The following CORIN variants were observed in gnomAD, a reference collection of about 807,000 sequenced individuals.
The protein encoded by CORIN is corin, serine peptidase.
A neutral mutation model predicts 125.3 loss-of-function variants in CORIN; 117 were observed. That is an observed-to-expected ratio of 0.93 (90% CI 0.80 to 1.09). The LOEUF (loss-of-function observed/expected upper bound fraction) is 1.09, where lower values mean the gene tolerates loss of function less well. CORIN is among the 50% of genes least tolerant of loss of function. The pLI, the probability that CORIN is intolerant of heterozygous loss-of-function variation, is 0.00. For missense variants in CORIN, 1,253 were observed against 1,306.7 expected, an observed-to-expected ratio of 0.96 and a Z score of 0.63; for synonymous variants, 450 against 466.4, an observed-to-expected ratio of 0.96 and a Z score of 0.45.
chr4:47,698,727 A>G (rs1726150777), intron 5 of CORIN, among the ~76,000 whole-genome samples: 1 of 152,156 alleles, frequency 6.6e-6, no homozygotes, highest in African/African-American at 2.4e-5. Context: ...AGGTACTGAG[A>G]CATGAGTGGA....
chr4:47,692,998 A>T lies in CORIN; in HGVS notation c.885T>A (p.Cys295Ter). The T allele has an allele frequency of 6.2e-7, 1 of 1,613,896 alleles. No individual in the cohort carries two copies. The highest frequency in any genetic ancestry group is 8.5e-7 in the Non-Finnish European group (1 of 1,179,812). Residue 295 changes from cysteine to a stop codon, truncating the protein, a stop_gained, in exon 6 of 22, where the codon TGT becomes TGA. Transcript: ENST00000273857. LOFTEE classifies it high-confidence loss of function. Reference sequence around the variant, plus strand: ...AATGAGCCTCGTCACTCCAGTCGTCACAGTCGTTGTAGCCATTACATTGCA... The same window carrying T: ...AATGAGCCTCGTCACTCCAGTCGTCTCAGTCGTTGTAGCCATTACATTGCA... ...GKLQCNGYND[C>*]DDWSDEAHCN...
intron 11 of CORIN, among the ~76,000 whole-genome samples, chr4:47,664,679 A>G (rs942298247): frequency 2.0e-4 from 30 of 152,190 alleles, no homozygotes; most frequent in Non-Finnish European, 4.4e-5. Flanking sequence ...TTGTAAACAC[A>G]TCAGTGTTGC....
chr4:47,654,763 G>C (rs571272702), intron 12 of CORIN, among the ~76,000 whole-genome samples: 1 of 152,180 alleles, frequency 6.6e-6, no homozygotes, highest in South Asian at 2.1e-4. Context: ...GCAATTCTTG[G>C]GCAAGTCCTG....
intron 3 of CORIN, among the ~76,000 whole-genome samples, chr4:47,770,733 A>T (rs1273538323): frequency 6.6e-6 from 1 of 152,174 alleles, no homozygotes; most frequent in East Asian, 1.9e-4. Context: ...GACAAGATGG[A>T]TGAACCTAGA....
chr4:47,739,030 AG>A (rs767023163), intron 5 of CORIN, among the ~76,000 whole-genome samples: 13 of 151,904 alleles, frequency 8.6e-5, no homozygotes, highest in Non-Finnish European at 1.6e-4. Context: ...AGGAACAGAA[AG>A]AAAAAAAAGA....
chr4:47,681,426 C>T (rs542409386), intron 7 of CORIN: 2 of 152,216 alleles, frequency 1.3e-5, no homozygotes, highest in Non-Finnish European at 2.9e-5. Flanking sequence ...AGCCTGCTAT[C>T]TTCAGAGGAA....
intron 5 of CORIN, among the ~76,000 whole-genome samples, chr4:47,740,767 AAAAAAT>A (rs1192957986): frequency 1.3e-5 from 2 of 151,996 alleles, no homozygotes; most frequent in Non-Finnish European, 2.9e-5. Context: ...ATAGATCAAT[AAAAAAT>A]AATTGAAAGT....
intron 16 of CORIN, among the ~76,000 whole-genome samples, chr4:47,637,823 T>A (rs537739650): frequency 8.1e-4 from 124 of 152,312 alleles, no homozygotes; most frequent in African/African-American, 2.8e-3. Flanking sequence ...AAAGAATCCC[T>A]ACTAGGGCAT....
At chr4:47,694,459 T>TTGTGTGTG (rs147979858) in intron 5 of CORIN, among the ~76,000 whole-genome samples, 34 of 151,376 alleles carry the variant, frequency 2.2e-4, no homozygotes, top group African/African-American at 4.8e-4. Flanking sequence ...CCACCAAAGC[T>TTGTGTGTG]TGTGTGTGTG....
At chr4:47,748,078 C>T (rs540804155) in intron 4 of CORIN, among the ~76,000 whole-genome samples, 1 of 152,254 alleles carries the variant, frequency 6.6e-6, no homozygotes, top group African/African-American at 2.4e-5. Flanking sequence ...AGAGGTGTAA[C>T]CAACTGAGAC....
chr4:47,769,305 G>T (rs1423931402), intron 3 of CORIN, among the ~76,000 whole-genome samples: 1 of 151,700 alleles, frequency 6.6e-6, no homozygotes, highest in African/African-American at 2.4e-5. Flanking sequence ...AAAATACTTA[G>T]GAATAAATTT....
At chr4:47,834,092 C>T (rs1438871157) in intron 1 of CORIN, among the ~76,000 whole-genome samples, 1 of 152,036 alleles carries the variant, frequency 6.6e-6, no homozygotes, top group East Asian at 1.9e-4. Flanking sequence ...GATATGTAAC[C>T]AAAGAATTTA....
rs1206820586 is a variant in CORIN, at chr4:47,669,572, CT to C, written c.1358-4310del. ...GCTCTTCTATATATATATATATATGCTTTTTTTTTTTTTTGTGACAGAGTCT... is the reference window on the plus strand; with the variant it reads ...GCTCTTCTATATATATATATATATGCTTTTTTTTTTTTTGTGACAGAGTCT... On this transcript the variant is annotated intron_variant, in intron 10 of 21. Coordinates refer to ENST00000273857, the MANE Select transcript of CORIN (RefSeq NM_006587.4). 3.0e-3 allele frequency among the ~76,000 whole-genome samples: 404 copies of C among 135,426 alleles called. 1 individual carries two copies. The highest frequency in any genetic ancestry group is 4.7e-3 in the African/African-American group (170 of 35,834). 88.8% of individuals were successfully genotyped at this position (135,426 alleles called of 152,430 possible).
At chr4:47,809,707 G>GCCAATTTGAA (rs1435772090) in intron 1 of CORIN, among the ~76,000 whole-genome samples, 19 of 152,132 alleles carry the variant, frequency 1.2e-4, no homozygotes, top group Non-Finnish European at 2.8e-4. Flanking sequence ...CGCCCAGCCA[G>GCCAATTTGAA]AGAATTGATT....
At chr4:47,626,623 A>G (rs909353803) in intron 16 of CORIN, 102 bp from the exon 17 acceptor site, 3 of 792,042 alleles carry the variant, frequency 3.8e-6, no homozygotes, top group Admixed American at 1.8e-5. Flanking sequence ...GAAGCACTAA[A>G]TCATGTCAAC....
At chr4:47,682,882 A>G (rs2109718930) in intron 7 of CORIN, 1 of 152,356 alleles carries the variant, frequency 6.6e-6, no homozygotes, top group African/African-American at 2.4e-5. Context: ...CAGCGCTCCT[A>G]GAAACCACCA....
chr4:47,691,044 G>A (rs538280626), intron 6 of CORIN, among the ~76,000 whole-genome samples: 3 of 152,330 alleles, frequency 2.0e-5, no homozygotes, highest in Admixed American at 1.3e-4. Flanking sequence ...CAGCTCCTCA[G>A]ACATTGGCAA....
In CORIN at chr4:47,607,638, T is replaced by C. The variant is rs573497336; in HGVS notation, c.2541-3970A>G. 2.6e-5 allele frequency among the ~76,000 whole-genome samples: 4 copies of C among 152,218 alleles called. No homozygotes were observed. In the South Asian group the frequency reaches 8.3e-4, roughly 32 times the overall value. The stretch of plus-strand genomic sequence containing the variant: ...AAAGAGTCTCCTGGGGTGAAGGACA[T>C]GTACATACGTGGTGATTGTTACATC... On this transcript the variant is annotated intron_variant, in intron 19 of 21. Transcript: ENST00000273857.
intron 1 of CORIN, among the ~76,000 whole-genome samples, chr4:47,822,248 T>C (rs1381359075): frequency 2.0e-5 from 3 of 152,206 alleles, no homozygotes; most frequent in African/African-American, 4.8e-5. Context: ...TGACCCATTT[T>C]CTTCTGACTT....
Sources: allele counts gnomAD v4.1 joint callset (sites outside exome capture counted in the v4.1 genomes callset), GRCh38; gene constraint gnomAD v4.1.1; transcripts MANE v1.5; gene names NCBI Gene and HGNC (gene_info 2026-07-23, HGNC 2026-07-21).